The following SHANK2 variants were observed in gnomAD, a reference collection of about 807,000 sequenced individuals.
SHANK2 encodes SH3 and multiple ankyrin repeat domains 2, also known as SH3 and multiple ankyrin repeat domains protein 2.
Under a neutral mutation model 133.7 loss-of-function variants are expected in SHANK2, and 43 were observed. That is an observed-to-expected ratio of 0.32 (90% CI 0.25 to 0.41). The LOEUF is 0.41. Ranked by LOEUF, SHANK2 falls within the 10% of genes least tolerant of loss-of-function variation. The probability of loss-of-function intolerance (pLI) is 1.00; values close to 1 mark genes in which losing one functional copy is unlikely to be tolerated. For missense variants in SHANK2, 1,994 were observed against 2,235.8 expected (o/e 0.89, Z 2.18); for synonymous variants, 1,017 against 952.8 (o/e 1.07, Z -1.24).
intron 2 of SHANK2, among the ~76,000 whole-genome samples, chr11:71,167,854 T>G (rs1230126705): frequency 1.4e-5 from 2 of 141,816 alleles, no homozygotes; most frequent in Non-Finnish European, 3.1e-5. Context: ...GGCTCCTCAG[T>G]TCCCAGTAGG....
chr11:70,513,747 C>T (rs1394205681), intron 17 of SHANK2, among the ~76,000 whole-genome samples: 1 of 152,168 alleles, frequency 6.6e-6, no homozygotes, highest in Non-Finnish European at 1.5e-5. Flanking sequence ...CTGGGCTTAA[C>T]ATCAGCATGG....
At chr11:70,636,736 ATATGTGTGAGCATG>A (rs1324895360) in intron 17 of SHANK2, among the ~76,000 whole-genome samples, 1 of 144,420 alleles carries the variant, frequency 6.9e-6, no homozygotes, top group Non-Finnish European at 1.5e-5. Flanking sequence ...TGATGTGTGA[ATATGTGTGAGCATG>A]TGTGTGAGCA....
intron 17 of SHANK2, among the ~76,000 whole-genome samples, chr11:70,552,423 T>C (rs1008845271): frequency 1.3e-5 from 2 of 152,204 alleles, no homozygotes; most frequent in African/African-American, 2.4e-5. Flanking sequence ...GTATGTCCCA[T>C]GTCACAGCGA....
chr11:71,113,366 T>A lies in SHANK2; in HGVS notation c.412-2A>T, dbSNP rs1555099792. 11 of 1,551,608 alleles carry A rather than the reference T, an allele frequency of 7.1e-6. No homozygotes were observed. On this transcript the variant is annotated splice_acceptor_variant, in intron 4 of 25. Coordinates refer to ENST00000601538, the MANE Select transcript of SHANK2 (RefSeq NM_012309.5). LOFTEE classifies it high-confidence loss of function. ...ATACACCCGCTTCTTGTATCGAAAC[T>A]GGCACAGAAAACAAAAAAGAGAGAG...
At chr11:71,171,109 G>A (rs1953305095) in intron 2 of SHANK2, among the ~76,000 whole-genome samples, 1 of 152,224 alleles carries the variant, frequency 6.6e-6, no homozygotes, top group African/African-American at 2.4e-5. Flanking sequence ...CGGGGACAGA[G>A]TGAGACTTCT....
In SHANK2 at chr11:70,599,487, G is replaced by A. The variant is rs569830210; in HGVS notation, c.2061+60341C>T. 6.0e-5 allele frequency among the ~76,000 whole-genome samples: 8 copies of A among 133,824 alleles called. 1 individual carries two copies. Among genetic ancestry groups the A allele is most frequent in the Admixed American group, 1.6e-4 (2 of 12,884 alleles). 87.8% of individuals were successfully genotyped at this position (133,824 alleles called of 152,430 possible). ...CCGGGCGAGGTGGCGGGCGCCTGTA[G>A]TCCCAGCTACTCGGGAGGCTGAGGC... On this transcript the variant is annotated intron_variant, in intron 17 of 25. Coordinates refer to ENST00000601538, the MANE Select transcript of SHANK2 (RefSeq NM_012309.5).
At chr11:71,203,467 G>A (rs896165104) in intron 2 of SHANK2, among the ~76,000 whole-genome samples, 7 of 152,144 alleles carry the variant, frequency 4.6e-5, no homozygotes, top group African/African-American at 1.7e-4. Flanking sequence ...GGCCTGGGTT[G>A]TCCAAACCCC....
intron 14 of SHANK2, among the ~76,000 whole-genome samples, chr11:70,766,245 G>T (rs782672745): frequency 6.6e-6 from 1 of 152,262 alleles, no homozygotes; most frequent in Non-Finnish European, 1.5e-5. Context: ...AGCAAGAAAG[G>T]CAGAGGCCAG....
intron 14 of SHANK2, among the ~76,000 whole-genome samples, chr11:70,785,630 G>A (rs772464146): frequency 6.6e-6 from 1 of 152,214 alleles, no homozygotes; most frequent in African/African-American, 2.4e-5. Flanking sequence ...CTGTCAGTGG[G>A]GTGAAGGGAG....
intron 2 of SHANK2, among the ~76,000 whole-genome samples, chr11:71,215,049 C>T (rs936547767): frequency 3.1e-4 from 47 of 152,204 alleles, no homozygotes; most frequent in African/African-American, 1.1e-3. Context: ...TTCCCTTCAG[C>T]GGACAGCTCC....
At chr11:70,522,720 A>G (rs1554971302) in intron 17 of SHANK2, among the ~76,000 whole-genome samples, 2 of 152,154 alleles carry the variant, frequency 1.3e-5, no homozygotes, top group African/African-American at 4.8e-5. Context: ...ATCCATTCGG[A>G]CCGTGTCCCA....
At chr11:70,894,376 C>G (rs1227358096) in intron 11 of SHANK2, among the ~76,000 whole-genome samples, 1 of 152,112 alleles carries the variant, frequency 6.6e-6, no homozygotes, top group Non-Finnish European at 1.5e-5. Context: ...TTAGTAGAGA[C>G]AGGGTTTCCT....
In SHANK2 at chr11:70,617,253, G is replaced by A. The variant is rs941389397; in HGVS notation, c.2061+42575C>T. Reference sequence around the variant, plus strand: ...TGTGTGCATGTGTGTCACTGAGAGTGCATGTGTGTCAATGTCTATGATGGT... The same window carrying A: ...TGTGTGCATGTGTGTCACTGAGAGTACATGTGTGTCAATGTCTATGATGGT... On this transcript the variant is annotated intron_variant, in intron 17 of 25. Transcript: ENST00000601538. Among the ~76,000 whole-genome samples, 7 of 151,934 alleles carry A rather than the reference G, an allele frequency of 4.6e-5. No individual in the cohort carries two copies. In the South Asian group the frequency reaches 6.2e-4, roughly 14 times the overall value.
At chr11:70,852,619 C>T (rs576016203) in intron 11 of SHANK2, among the ~76,000 whole-genome samples, 8 of 152,148 alleles carry the variant, frequency 5.3e-5, no homozygotes, top group East Asian at 1.9e-4. Flanking sequence ...CCAAGGTGGG[C>T]GGATCACGAG....
At chr11:71,079,860 G>C (rs1359245015) in intron 8 of SHANK2, among the ~76,000 whole-genome samples, 2 of 68,370 alleles carry the variant, frequency 2.9e-5, no homozygotes, top group South Asian at 8.9e-4. Context: ...GGGAGGGGAA[G>C]GGAGGGGAGG....
intron 25 of SHANK2, among the ~76,000 whole-genome samples, chr11:70,481,760 AGGT>A: frequency 6.6e-6 from 1 of 152,382 alleles, no homozygotes; most frequent in African/African-American, 2.4e-5. Context: ...ATGCATTTAA[AGGT>A]GGTGGTGAGT....
intron 1 of SHANK2, among the ~76,000 whole-genome samples, chr11:71,246,110 G>C (rs1954957363): frequency 6.6e-6 from 1 of 152,074 alleles, no homozygotes; most frequent in Non-Finnish European, 1.5e-5. Flanking sequence ...AAGGAATCCA[G>C]GGCAGGATTT....
chr11:71,104,073 C>T (rs1555097288), intron 6 of SHANK2, among the ~76,000 whole-genome samples: 1 of 152,058 alleles, frequency 6.6e-6, no homozygotes, highest in Non-Finnish European at 1.5e-5. Context: ...CCAATTAAAC[C>T]TCTTTTCTTT....
intron 17 of SHANK2, among the ~76,000 whole-genome samples, chr11:70,612,399 C>T (rs1047658951): frequency 5.9e-5 from 9 of 152,074 alleles, no homozygotes; most frequent in Non-Finnish European, 1.2e-4. Flanking sequence ...CAGCTGCAGG[C>T]GAAGGCATGA....
Sources: allele counts gnomAD v4.1 joint callset (sites outside exome capture counted in the v4.1 genomes callset), GRCh38; gene constraint gnomAD v4.1.1; transcripts MANE v1.5; gene names NCBI Gene and HGNC (gene_info 2026-07-23, HGNC 2026-07-21).